PTPRN2: variants seen among roughly 807,000 people sequenced by gnomAD.
PTPRN2 encodes protein tyrosine phosphatase receptor type N2, also known as receptor-type tyrosine-protein phosphatase N2.
A neutral mutation model predicts 118.8 loss-of-function variants in PTPRN2; 74 were observed. That is an observed-to-expected ratio of 0.62 (90% CI 0.52 to 0.76). The LOEUF (loss-of-function observed/expected upper bound fraction) is 0.76. PTPRN2 is among the 30% of genes least tolerant of loss of function. The pLI, the probability that PTPRN2 is intolerant of heterozygous loss-of-function variation, is 0.00. For missense variants in PTPRN2, 1,481 were observed against 1,394.4 expected, an observed-to-expected ratio of 1.06 and a Z score of -0.99; for synonymous variants, 641 against 608.0, an observed-to-expected ratio of 1.05 and a Z score of -0.80.
In PTPRN2 at chr7:157,669,421, A is replaced by ATG. The variant is rs1554519193; in HGVS notation, c.2002-12871_2002-12870insCA. 1.3e-5 allele frequency: 5 copies of ATG among 382,446 alleles called. 1 individual carries two copies. Among genetic ancestry groups the ATG allele is most frequent in the African/African-American group, 2.5e-5 (1 of 40,522 alleles). 23.7% of individuals were successfully genotyped at this position (382,446 alleles called of 1,614,324 possible). A position where few individuals can be genotyped will look rare whatever the true frequency, so the allele number is the denominator to read the frequency against. Reference sequence around the variant, plus strand: ...AAGAACAACCCACACACGTGTTTGCACGCGCACACACACACACACCCAGGG... The same window carrying ATG: ...AAGAACAACCCACACACGTGTTTGCATGCGCGCACACACACACACACCCAGGG... On this transcript the variant is annotated intron_variant, in intron 13 of 22. Coordinates refer to ENST00000389418, the MANE Select transcript of PTPRN2 (RefSeq NM_002847.5).
At chr7:158,549,056 C>CG (rs1826475315) in intron 1 of PTPRN2, among the ~76,000 whole-genome samples, 1 of 152,126 alleles carries the variant, frequency 6.6e-6, no homozygotes, top group African/African-American at 2.4e-5. Context: ...CCAGGGGGGC[C>CG]GAGGGAGCAG....
chr7:157,827,422 T>A (rs1428007871), intron 12 of PTPRN2, among the ~76,000 whole-genome samples: 1 of 111,822 alleles, frequency 8.9e-6, no homozygotes, highest in East Asian at 2.5e-4. Context: ...GTGTGGGCCG[T>A]GGCTGTCTGG....
intron 11 of PTPRN2, among the ~76,000 whole-genome samples, chr7:157,967,028 C>T (rs964467131): frequency 1.3e-4 from 20 of 152,232 alleles, no homozygotes; most frequent in African/African-American, 4.6e-4. Context: ...GCTTAAAAAA[C>T]CCACAGGCTG....
At chr7:158,283,337 C>T (rs1799556253) in intron 3 of PTPRN2, among the ~76,000 whole-genome samples, 1 of 152,186 alleles carries the variant, frequency 6.6e-6, no homozygotes, top group Admixed American at 6.5e-5. Context: ...AGTGACCGAG[C>T]AGGCCCCGTC....
At chr7:157,709,921 C>T (rs950441445) in intron 12 of PTPRN2, among the ~76,000 whole-genome samples, 4 of 152,318 alleles carry the variant, frequency 2.6e-5, no homozygotes, top group African/African-American at 7.2e-5. Flanking sequence ...GCAGTGGTTC[C>T]TTACAACGTG....
chr7:157,652,254 C>T (rs1805710733), intron 14 of PTPRN2, among the ~76,000 whole-genome samples: 1 of 152,240 alleles, frequency 6.6e-6, no homozygotes, highest in African/African-American at 2.4e-5. Flanking sequence ...TCCTTCAGCA[C>T]AACCCCTTCC....
intron 2 of PTPRN2, among the ~76,000 whole-genome samples, chr7:158,398,394 G>T (rs79996036): frequency 5.3e-5 from 8 of 152,286 alleles, no homozygotes; most frequent in African/African-American, 1.9e-4. Flanking sequence ...CCCCCACACT[G>T]TTGCCTCACC....
intron 2 of PTPRN2, among the ~76,000 whole-genome samples, chr7:158,453,008 C>T (rs150495692): frequency 5.9e-5 from 9 of 152,360 alleles, no homozygotes; most frequent in African/African-American, 2.2e-4. Context: ...CAGGGCTGGG[C>T]ATGATGCTTT....
intron 13 of PTPRN2, among the ~76,000 whole-genome samples, chr7:157,675,851 G>A (rs1301409357): frequency 1.3e-5 from 2 of 152,028 alleles, no homozygotes; most frequent in African/African-American, 4.8e-5. Flanking sequence ...GGGAGGGGCT[G>A]GGCCTCGCAC....
At chr7:158,029,705 GC>G (rs1807546711) in intron 11 of PTPRN2, 1 of 151,560 alleles carries the variant, frequency 6.6e-6, no homozygotes, top group South Asian at 2.1e-4. Flanking sequence ...GGGAGCTCCG[GC>G]CCTGCCCATC....
At chr7:158,489,860 C>T in intron 1 of PTPRN2, 75 bp from the exon 2 acceptor site, 1 of 1,384,926 alleles carries the variant, frequency 7.2e-7, no homozygotes, top group South Asian at 1.3e-5. Flanking sequence ...CCTTCCTGGC[C>T]CCCTGGTGAA....
intron 11 of PTPRN2, among the ~76,000 whole-genome samples, chr7:157,926,484 A>G (rs960642885): frequency 1.3e-5 from 2 of 152,252 alleles, no homozygotes; most frequent in African/African-American, 2.4e-5. Flanking sequence ...TAATTGCCAA[A>G]TTAAAAACAA....
intron 11 of PTPRN2, among the ~76,000 whole-genome samples, chr7:158,080,447 G>A (rs1467029872): frequency 1.3e-5 from 2 of 151,788 alleles, no homozygotes; most frequent in Admixed American, 6.6e-5. Flanking sequence ...GATACGGAAC[G>A]GGAGCACCCT....
chr7:157,949,516 C>A (rs1423531464), intron 11 of PTPRN2, among the ~76,000 whole-genome samples: 1 of 152,232 alleles, frequency 6.6e-6, no homozygotes, highest in Non-Finnish European at 1.5e-5. Flanking sequence ...CTGAAGGCAT[C>A]ACTAAGCATG....
At chr7:157,667,802 G>A (rs147894315) in intron 13 of PTPRN2, among the ~76,000 whole-genome samples, 6 of 152,344 alleles carry the variant, frequency 3.9e-5, no homozygotes, top group East Asian at 1.9e-4. Context: ...GCACCCAGGC[G>A]CAGAAACTCT....
intron 2 of PTPRN2, among the ~76,000 whole-genome samples, chr7:158,363,444 C>T (rs1809171520): frequency 1.3e-5 from 2 of 151,562 alleles, no homozygotes; most frequent in Admixed American, 6.6e-5. Context: ...AAGTGAAACT[C>T]AGCCCACAGC....
At chr7:157,726,067 C>T (rs13309134) in intron 12 of PTPRN2, among the ~76,000 whole-genome samples, 28 of 131,396 alleles carry the variant, frequency 2.1e-4, no homozygotes, top group African/African-American at 7.3e-4. Flanking sequence ...ACTGGATATC[C>T]ACACGCAGAG....
In PTPRN2 at chr7:158,274,654, G is replaced by A. The variant is rs140250009; in HGVS notation, c.277+42165C>T. On this transcript the variant is annotated intron_variant, in intron 3 of 22. Transcript: ENST00000389418. The stretch of plus-strand genomic sequence containing the variant: ...CTGTGGAAATGTGTGGAGGGGCCGC[G>A]TGGCTTCCTGCTGCCTGGGACGACA... Among the ~76,000 whole-genome samples the A allele has an allele frequency of 1.1e-4, 17 of 152,260 alleles. No homozygotes were observed. In the East Asian group the frequency reaches 1.7e-3, roughly 16 times the overall value.
chr7:158,038,593 G>C (rs988672399), intron 11 of PTPRN2, among the ~76,000 whole-genome samples: 30 of 151,210 alleles, frequency 2.0e-4, no homozygotes, highest in African/African-American at 7.3e-4. Flanking sequence ...CCAAGAACTA[G>C]TATTCAAATA....
Sources: gnomAD v4.1 joint callset for allele counts (sites outside exome capture counted in the v4.1 genomes callset) on GRCh38, gnomAD v4.1.1 for gene constraint, MANE v1.5 for transcripts, NCBI Gene and HGNC (gene_info 2026-07-23, HGNC 2026-07-21) for gene names.